Variants in CTNNA3 observed in about 807,000 individuals in gnomAD.
CTNNA3 encodes the protein catenin alpha 3.
In CTNNA3, 76 loss-of-function variants were observed where a neutral mutation model predicts 95.7. The ratio of observed to expected loss-of-function variants is 0.79; its 90% confidence interval spans 0.66 to 0.96. CTNNA3 has a LOEUF of 0.96. CTNNA3 is among the 40% of genes least tolerant of loss of function. CTNNA3 has a pLI of 0.00. For missense variants in CTNNA3, 1,191 were observed against 1,089.8 expected, an observed-to-expected ratio of 1.09 and a Z score of -1.31; for synonymous variants, 431 against 374.4, an observed-to-expected ratio of 1.15 and a Z score of -1.74.
At chr10:67,728,167 A>C (rs1841254751) in intron 1 of CTNNA3, among the ~76,000 whole-genome samples, 1 of 147,486 alleles carries the variant, frequency 6.8e-6, no homozygotes, top group African/African-American at 2.5e-5. Flanking sequence ...GTTTCTAAGA[A>C]TATAAGCTGG....
At chr10:66,620,307 G>A (rs1175568015) in intron 10 of CTNNA3, among the ~76,000 whole-genome samples, 1 of 151,754 alleles carries the variant, frequency 6.6e-6, no homozygotes, top group Non-Finnish European at 1.5e-5. Flanking sequence ...AAAGACATGG[G>A]CAACAGAGAT....
intron 9 of CTNNA3, among the ~76,000 whole-genome samples, chr10:66,690,819 G>A (rs995432348): frequency 6.6e-6 from 1 of 152,148 alleles, no homozygotes; most frequent in African/African-American, 2.4e-5. Flanking sequence ...ATGATTTATA[G>A]TCCTTTGGGT....
chr10:67,567,616 A>C (rs963276129), intron 3 of CTNNA3, among the ~76,000 whole-genome samples: 5 of 152,112 alleles, frequency 3.3e-5, no homozygotes, highest in African/African-American at 9.7e-5. Context: ...CTTTCATGTG[A>C]ATTATCTGGA....
chr10:67,228,386 G>A (rs984979804), intron 5 of CTNNA3, among the ~76,000 whole-genome samples: 18 of 152,196 alleles, frequency 1.2e-4, no homozygotes, highest in African/African-American at 2.9e-4. Flanking sequence ...AGACTGAGGC[G>A]GGCAGATTAC....
At chr10:67,446,363 A>T (rs1372544049) in intron 5 of CTNNA3, among the ~76,000 whole-genome samples, 6 of 152,164 alleles carry the variant, frequency 3.9e-5, no homozygotes, top group African/African-American at 1.2e-4. Context: ...TGCAGCAGAT[A>T]GGGTTTCCTT....
At chr10:67,737,112 C>T (rs1226237897) in intron 1 of CTNNA3, among the ~76,000 whole-genome samples, 3 of 151,968 alleles carry the variant, frequency 2.0e-5, no homozygotes, top group Admixed American at 6.6e-5. Flanking sequence ...TACAGGCACA[C>T]ACCACCACAC....
intron 15 of CTNNA3, among the ~76,000 whole-genome samples, chr10:66,059,106 C>T (rs903843126): frequency 1.3e-5 from 2 of 152,006 alleles, no homozygotes; most frequent in Non-Finnish European, 2.9e-5. Flanking sequence ...ATTATCATAC[C>T]ATAATTTATT....
intron 5 of CTNNA3, among the ~76,000 whole-genome samples, chr10:67,298,081 G>T (rs1423164528): frequency 2.6e-5 from 4 of 152,158 alleles, no homozygotes; most frequent in Non-Finnish European, 1.5e-5. Flanking sequence ...AGTCACATGG[G>T]AATCCCAAAC....
At chr10:67,342,898 G>GT (rs200045128) in intron 5 of CTNNA3, among the ~76,000 whole-genome samples, 6,203 of 151,870 alleles carry the variant, frequency 0.041, 181 homozygotes, top group South Asian at 0.1. Flanking sequence ...GTTTTGTTTT[G>GT]TTTTTTTCTT....
At position 66,594,823 on chromosome 10, in the gene CTNNA3, G is replaced by T. The variant is rs578020640; in HGVS notation, c.1374+26869C>A. On this transcript the variant is annotated intron_variant, in intron 10 of 17. Transcript: ENST00000433211. ...TCTTGAGCTTCTTTCTCTAAATTAG[G>T]CAAGTTACAAGAATCTTTTGTACTT... Among the ~76,000 whole-genome samples the T allele has an allele frequency of 2.3e-4, 35 of 152,026 alleles. 1 individual carries two copies. The highest frequency in any genetic ancestry group is 1.1e-3 in the Admixed American group (17 of 15,258).
intron 15 of CTNNA3, among the ~76,000 whole-genome samples, chr10:66,020,591 G>A (rs1173426685): frequency 2.6e-5 from 4 of 151,990 alleles, no homozygotes. Context: ...GGGAGCCCTA[G>A]TTAGCCTCAG....
At chr10:67,718,069 C>T (rs571874956) in intron 1 of CTNNA3, among the ~76,000 whole-genome samples, 260 of 152,256 alleles carry the variant, frequency 1.7e-3, no homozygotes, top group Admixed American at 2.7e-3. Flanking sequence ...ATATTTCATT[C>T]AATTTGTAGC....
chr10:67,320,851 G>A lies in CTNNA3; in HGVS notation c.580-100981C>T, dbSNP rs1013982007. Among the ~76,000 whole-genome samples the A allele has an allele frequency of 4.6e-5, 7 of 152,284 alleles. No homozygotes were observed. In the East Asian group the frequency reaches 7.7e-4, roughly 17 times the overall value. ...ACCCTTAGTCAGTGAATTAAAAGAA[G>A]AGAATTGAGATTGGAAGGAAACATT... On this transcript the variant is annotated intron_variant, in intron 5 of 17. Coordinates refer to ENST00000433211, the MANE Select transcript of CTNNA3 (RefSeq NM_013266.4).
At chr10:66,209,283 C>CAGAGA (rs1302271222) in intron 13 of CTNNA3, among the ~76,000 whole-genome samples, 2 of 152,084 alleles carry the variant, frequency 1.3e-5, no homozygotes, top group African/African-American at 4.8e-5. Context: ...AGACAAAATT[C>CAGAGA]TTAATCTCTT....
chr10:67,247,922 G>C (rs902652713), intron 5 of CTNNA3, among the ~76,000 whole-genome samples: 3 of 152,066 alleles, frequency 2.0e-5, no homozygotes, highest in Non-Finnish European at 4.4e-5. Context: ...CATAAAGACA[G>C]ACATATAGAT....
At chr10:67,088,983 C>T (rs1347556089) in intron 7 of CTNNA3, among the ~76,000 whole-genome samples, 3 of 151,892 alleles carry the variant, frequency 2.0e-5, no homozygotes, top group Non-Finnish European at 2.9e-5. Context: ...ATAATGACTA[C>T]TTAGATAGAA....
intron 1 of CTNNA3, among the ~76,000 whole-genome samples, chr10:67,726,064 AT>A (rs1281231947): frequency 2.3e-5 from 3 of 127,670 alleles, no homozygotes; most frequent in Non-Finnish European, 4.7e-5. Context: ...AATATAAAAA[AT>A]AAATATATTT....
chr10:67,263,077 G>A (rs2132396152), intron 5 of CTNNA3, among the ~76,000 whole-genome samples: 1 of 152,306 alleles, frequency 6.6e-6, no homozygotes, highest in South Asian at 2.1e-4. Flanking sequence ...AGTCTCTACA[G>A]GTTAGCAGGT....
At chr10:66,259,028 C>G (rs527745291) in intron 13 of CTNNA3, among the ~76,000 whole-genome samples, 2 of 152,304 alleles carry the variant, frequency 1.3e-5, no homozygotes, top group East Asian at 3.9e-4. Flanking sequence ...CACATGGCTT[C>G]TCCTATTACT....
Sources: gnomAD v4.1 joint callset for allele counts (sites outside exome capture counted in the v4.1 genomes callset) on GRCh38, gnomAD v4.1.1 for gene constraint, MANE v1.5 for transcripts, NCBI Gene and HGNC (gene_info 2026-07-23, HGNC 2026-07-21) for gene names.